MCF2L: variants seen among roughly 807,000 people sequenced by gnomAD.
MCF2L encodes the protein MCF.2 cell line derived transforming sequence like.
A neutral mutation model predicts 153.4 loss-of-function variants in MCF2L; 97 were observed. That is an observed-to-expected ratio of 0.63 (90% CI 0.54 to 0.75). The LOEUF (loss-of-function observed/expected upper bound fraction) is 0.75. Among genes scored for constraint, MCF2L ranks in the 30% least tolerant of loss-of-function variants. The pLI, the probability that MCF2L is intolerant of heterozygous loss-of-function variation, is 0.00. For missense variants in MCF2L, 1,347 were observed against 1,495.2 expected (o/e 0.90, Z 1.64); for synonymous variants, 659 against 632.2 (o/e 1.04, Z -0.64).
At chr13:112,909,112 CA>C (rs2081203253) in intron 2 of MCF2L, 1 of 721,614 alleles carries the variant, frequency 1.4e-6, no homozygotes, top group Non-Finnish European at 2.6e-6. Flanking sequence ...GTTCCCACTG[CA>C]AAGAAATTCT....
intron 3 of MCF2L, among the ~76,000 whole-genome samples, chr13:113,037,441 T>A (rs925614084): frequency 2.6e-5 from 4 of 152,196 alleles, no homozygotes; most frequent in African/African-American, 9.7e-5. Context: ...GGTCGGAGAC[T>A]CAGGTCAGAC....
chr13:113,032,488 G>A (rs1171111788), intron 3 of MCF2L, among the ~76,000 whole-genome samples: 4 of 152,348 alleles, frequency 2.6e-5, no homozygotes, highest in South Asian at 2.1e-4. Context: ...ATGCCGCCTC[G>A]CAGCTTGCTG....
chr13:112,896,758 C>G (rs752783400), intron 1 of MCF2L, among the ~76,000 whole-genome samples: 16 of 152,200 alleles, frequency 1.1e-4, no homozygotes, highest in Non-Finnish European at 2.1e-4. Flanking sequence ...CTGTGAGACT[C>G]TCATGTGGCA....
rs1328463499 is a variant in MCF2L at position 112,943,175 on chromosome 13, G to A, written c.169+40804G>A. ...AGGGCTCAGCAGGTGTGACTTAAAG[G>A]ATCGCAGGTGACAGCCCTCAGTGGA... On this transcript the variant is annotated intron_variant, in intron 2 of 29. Coordinates refer to the MCF2L transcript ENST00000375608. This position sits in a 1 kb window ranked among gnomAD's most constrained non-coding sequence, Gnocchi z 4.2. Among the ~76,000 whole-genome samples the A allele has an allele frequency of 1.3e-5, 2 of 152,262 alleles. No individual in the cohort carries two copies. The highest frequency in any genetic ancestry group is 2.9e-5 in the Non-Finnish European group (2 of 68,044).
At chr13:112,902,452 G>C in intron 2 of MCF2L, 1 of 1,385,344 alleles carries the variant, frequency 7.2e-7, no homozygotes, top group Non-Finnish European at 9.7e-7. Context: ...TGCTATTCCG[G>C]TCCTTTTAGA....
chr13:112,976,766 G>T (rs1330775281), intron 1 of MCF2L, among the ~76,000 whole-genome samples: 1 of 152,194 alleles, frequency 6.6e-6, no homozygotes, highest in Non-Finnish European at 1.5e-5. Flanking sequence ...GCGGGAAGAC[G>T]ACAGAGCCGT....
intron 1 of MCF2L, among the ~76,000 whole-genome samples, chr13:113,003,004 T>TAAA (rs11329462): frequency 0.011 from 1,630 of 142,940 alleles, 21 homozygotes; most frequent in African/African-American, 0.039. Context: ...CCTCATCTGT[T>TAAA]AAAAAAAAAA....
At chr13:113,020,637 C>T (rs1459178096) in intron 2 of MCF2L, among the ~76,000 whole-genome samples, 1 of 152,214 alleles carries the variant, frequency 6.6e-6, no homozygotes, top group Non-Finnish European at 1.5e-5. Flanking sequence ...CCCACAGAAT[C>T]CCATTCACGG....
chr13:113,046,494 C>A lies in MCF2L; in HGVS notation c.369+1133C>A. On this transcript the variant is annotated intron_variant, in intron 4 of 29. Transcript: ENST00000535094. The surrounding 1 kb of genome is among the most constrained non-coding windows in gnomAD (Gnocchi z 4.4). Reference sequence around the variant, plus strand: ...CCGCGTTCAGACTACCTTTGGGTTCCCCAGCCTCTCGGTGGCTGCTGGCTG... The same window carrying A: ...CCGCGTTCAGACTACCTTTGGGTTCACCAGCCTCTCGGTGGCTGCTGGCTG... The A allele has an allele frequency of 3.8e-6, 2 of 524,562 alleles. No homozygotes were observed. Among genetic ancestry groups the A allele is most frequent in the Non-Finnish European group, 7.8e-6 (2 of 256,220 alleles). 32.5% of individuals were successfully genotyped at this position (524,562 alleles called of 1,614,324 possible).
At chr13:113,049,585 T>G (rs2087073368) in intron 4 of MCF2L, among the ~76,000 whole-genome samples, 1 of 152,192 alleles carries the variant, frequency 6.6e-6, no homozygotes. Context: ...TAAAGTGGCT[T>G]TGGGAAAACT....
At chr13:113,073,313 A>G (rs897696735) in intron 9 of MCF2L, among the ~76,000 whole-genome samples, 9 of 152,336 alleles carry the variant, frequency 5.9e-5, no homozygotes, top group South Asian at 2.1e-4. Flanking sequence ...AGTTTTATAC[A>G]TATCAGTTAG....
Position 112,960,688 on chromosome 13 carries a change from T to C in MCF2L, c.170-54075T>C. On this transcript the variant is annotated intron_variant, in intron 2 of 29. Transcript: ENST00000375608. The surrounding 1 kb of genome is among the most constrained non-coding windows in gnomAD (Gnocchi z 4.2). ...GGCCAGAAGTTCTAACACCAAGGTG[T>C]GAGCAGGGCTAGTCCCTTCTGGAGG... Among the ~76,000 whole-genome samples, 1 of 152,184 alleles carries C rather than the reference T, an allele frequency of 6.6e-6. No homozygotes were observed. The highest frequency in any genetic ancestry group is 1.5e-5 in the Non-Finnish European group (1 of 68,032).
chr13:113,039,928 A>C (rs2086375745), intron 3 of MCF2L, among the ~76,000 whole-genome samples: 1 of 152,250 alleles, frequency 6.6e-6, no homozygotes, highest in Non-Finnish European at 1.5e-5. Flanking sequence ...GCACTAGAAG[A>C]CATGTATAAG....
At chr13:112,987,385 T>C (rs1297380389) in intron 1 of MCF2L, among the ~76,000 whole-genome samples, 1 of 152,012 alleles carries the variant, frequency 6.6e-6, no homozygotes, top group African/African-American at 2.4e-5. Context: ...CCAGCACCCA[T>C]TGGTCTTTTT....
At chr13:112,986,739 A>G (rs540175687) in intron 1 of MCF2L, among the ~76,000 whole-genome samples, 1 of 152,282 alleles carries the variant, frequency 6.6e-6, no homozygotes, top group African/African-American at 2.4e-5. Context: ...CGAGGGTGCC[A>G]ACCCTGCCCA....
intron 8 of MCF2L, 118 bp from the exon 9 acceptor site, chr13:113,069,941 G>A: frequency 1.6e-6 from 1 of 632,462 alleles, no homozygotes; most frequent in Non-Finnish European, 2.7e-6. Context: ...GCGGAGGCCA[G>A]GATCTCAGGA....
At chr13:112,906,537 C>T (rs1191480123) in intron 2 of MCF2L, among the ~76,000 whole-genome samples, 1 of 152,204 alleles carries the variant, frequency 6.6e-6, no homozygotes, top group Non-Finnish European at 1.5e-5. Context: ...TGGAGCTTGT[C>T]TGGCTCTCCT....
chr13:112,972,430 A>ATGGG (rs1432612767), intron 1 of MCF2L, among the ~76,000 whole-genome samples: 6 of 115,804 alleles, frequency 5.2e-5, no homozygotes. Flanking sequence ...GGGTGGATGG[A>ATGGG]TGGGTGGGTG....
chr13:113,076,876 C>T (rs2033542253), intron 12 of MCF2L, among the ~76,000 whole-genome samples, 176 bp from the exon 13 acceptor site: 1 of 152,272 alleles, frequency 6.6e-6, no homozygotes, highest in Admixed American at 6.5e-5. Context: ...GGGCTGCATC[C>T]CCCTCTCCGT....
Sources: allele counts gnomAD v4.1 joint callset (sites outside exome capture counted in the v4.1 genomes callset), GRCh38; gene constraint gnomAD v4.1.1; non-coding constraint Gnocchi (gnomAD v3.1); transcripts MANE v1.5; gene names NCBI Gene and HGNC (gene_info 2026-07-23, HGNC 2026-07-21).